The following KCTD8 variants were observed in gnomAD, a reference collection of about 807,000 sequenced individuals.
KCTD8 encodes the protein potassium channel tetramerization domain containing 8.
A neutral mutation model predicts 31.5 loss-of-function variants in KCTD8; 27 were observed. The ratio of observed to expected loss-of-function variants is 0.86; its 90% CI spans 0.63 to 1.18. The LOEUF (loss-of-function observed/expected upper bound fraction) is 1.18. KCTD8 is among the 50% of genes most tolerant of loss of function. KCTD8 has a pLI of 0.00. For missense variants in KCTD8, 658 were observed against 647.7 expected (o/e 1.02, Z -0.17); for synonymous variants, 290 against 280.0 (o/e 1.04, Z -0.36).
intron 1 of KCTD8, among the ~76,000 whole-genome samples, chr4:44,407,138 C>A (rs558900870): frequency 5.9e-5 from 9 of 152,220 alleles, no homozygotes; most frequent in African/African-American, 2.2e-4. Context: ...TATTTCAATT[C>A]AATATTATCA....
chr4:44,427,122 G>A (rs1248514570), intron 1 of KCTD8, among the ~76,000 whole-genome samples: 3 of 151,440 alleles, frequency 2.0e-5, no homozygotes, highest in African/African-American at 7.3e-5. Context: ...CAAAAGAAGT[G>A]CATTCCTAGA....
intron 1 of KCTD8, among the ~76,000 whole-genome samples, chr4:44,247,005 T>C (rs2109359609): frequency 6.6e-6 from 1 of 152,152 alleles, no homozygotes; most frequent in Admixed American, 6.6e-5. Flanking sequence ...ACTCCCATTA[T>C]TTGTAGTATT....
At chr4:44,276,996 A>C (rs557017908) in intron 1 of KCTD8, among the ~76,000 whole-genome samples, 2 of 152,002 alleles carry the variant, frequency 1.3e-5, no homozygotes, top group Non-Finnish European at 2.9e-5. Flanking sequence ...GCAAGAGATG[A>C]AGTTTCTCTA....
At chr4:44,436,527 T>C (rs1252327008) in intron 1 of KCTD8, among the ~76,000 whole-genome samples, 1 of 152,114 alleles carries the variant, frequency 6.6e-6, no homozygotes, top group Non-Finnish European at 1.5e-5. Flanking sequence ...TTATGAATGA[T>C]GTATCAGATA....
At chr4:44,407,626 T>C (rs1374159461) in intron 1 of KCTD8, among the ~76,000 whole-genome samples, 1 of 152,074 alleles carries the variant, frequency 6.6e-6, no homozygotes, top group Non-Finnish European at 1.5e-5. Flanking sequence ...CCTCAGATGA[T>C]CCACCCGCCT....
intron 1 of KCTD8, among the ~76,000 whole-genome samples, chr4:44,194,838 T>TTCCC (rs1400919478): frequency 1.7e-5 from 2 of 116,770 alleles, no homozygotes; most frequent in Admixed American, 1.8e-4. Context: ...CCTTCCTTCC[T>TTCCC]TCCCTCTTTC....
chr4:44,270,638 G>C (rs1312946235), intron 1 of KCTD8, among the ~76,000 whole-genome samples: 2 of 152,012 alleles, frequency 1.3e-5, no homozygotes, highest in Non-Finnish European at 2.9e-5. Flanking sequence ...AAAAGGCTTT[G>C]GATAATTCTG....
rs184015222 is a variant in KCTD8, at chr4:44,424,788, G to C, written c.961+22775C>G. Among the ~76,000 whole-genome samples the C allele has an allele frequency of 1.7e-3, 266 of 152,048 alleles. 2 individuals carry two copies. Among genetic ancestry groups the C allele is most frequent in the Middle Eastern group, 3.4e-3 (1 of 292 alleles). On this transcript the variant is annotated intron_variant, in intron 1 of 1. Coordinates refer to ENST00000360029, the MANE Select transcript of KCTD8 (RefSeq NM_198353.3). Reference sequence around the variant, plus strand: ...TTTAATCAATAGAAAATATCTACCAGGAACATTTGCTATAATAACATTAAT... The same window carrying C: ...TTTAATCAATAGAAAATATCTACCACGAACATTTGCTATAATAACATTAAT...
chr4:44,322,624 G>A (rs1179126595), intron 1 of KCTD8, among the ~76,000 whole-genome samples: 1 of 151,892 alleles, frequency 6.6e-6, no homozygotes, highest in African/African-American at 2.4e-5. Context: ...TGCTTTGGTT[G>A]CTTGTGCTTT....
At chr4:44,299,985 T>G (rs1717561016) in intron 1 of KCTD8, among the ~76,000 whole-genome samples, 1 of 151,844 alleles carries the variant, frequency 6.6e-6, no homozygotes. Context: ...TCTCCTGACC[T>G]CGTGACCACC....
intron 1 of KCTD8, among the ~76,000 whole-genome samples, chr4:44,277,468 CAG>C (rs1053712414): frequency 2.6e-5 from 4 of 151,668 alleles, no homozygotes; most frequent in African/African-American, 9.7e-5. Context: ...TAGTAACTAA[CAG>C]TGTTAGAAAA....
At chr4:44,261,112 G>T (rs938345948) in intron 1 of KCTD8, among the ~76,000 whole-genome samples, 1 of 151,926 alleles carries the variant, frequency 6.6e-6, no homozygotes, top group African/African-American at 2.4e-5. Context: ...TTGCATATGA[G>T]ATGTAAGAGA....
At chr4:44,430,242 G>C (rs1030441522) in intron 1 of KCTD8, among the ~76,000 whole-genome samples, 2 of 151,530 alleles carry the variant, frequency 1.3e-5, no homozygotes, top group African/African-American at 4.8e-5. Context: ...GTTGCTAAAT[G>C]GTCCCCATTA....
intron 1 of KCTD8, among the ~76,000 whole-genome samples, chr4:44,277,157 C>T (rs1426070243): frequency 6.6e-6 from 1 of 151,554 alleles, no homozygotes; most frequent in East Asian, 1.9e-4. Flanking sequence ...ACATGACAGA[C>T]CATCAACTCC....
intron 1 of KCTD8, among the ~76,000 whole-genome samples, chr4:44,433,108 A>C (rs1390965114): frequency 6.6e-6 from 1 of 151,710 alleles, no homozygotes; most frequent in Non-Finnish European, 1.5e-5. Flanking sequence ...TGAAACTTAC[A>C]CAGATACCTT....
At chr4:44,307,689 AG>A (rs1717841866) in intron 1 of KCTD8, among the ~76,000 whole-genome samples, 2 of 152,094 alleles carry the variant, frequency 1.3e-5, no homozygotes, top group East Asian at 1.9e-4. Flanking sequence ...AAACCACAAG[AG>A]AAAATACTCT....
In KCTD8 at chr4:44,242,509, C is replaced by T. The variant is rs566226925; in HGVS notation, c.962-67259G>A. Among the ~76,000 whole-genome samples the T allele has an allele frequency of 4.7e-3, 717 of 151,984 alleles. 7 individuals are homozygous for T. The highest frequency in any genetic ancestry group is 5.5e-3 in the Non-Finnish European group (376 of 67,988). ...AGGAGAATGGCGTGAACCCGGGAGG[C>T]GGAGCTTGCAGTGAGCCGAGATAGC... On this transcript the variant is annotated intron_variant, in intron 1 of 1. Transcript: ENST00000360029.
Position 44,174,540 on chromosome 4 carries a change from C to T in KCTD8, c.*250G>A. On this transcript the variant is annotated 3_prime_UTR_variant, in exon 2 of 2. Coordinates refer to ENST00000360029, the MANE Select transcript of KCTD8 (RefSeq NM_198353.3). ...TGATCATGCACATTTTACTTTCATT[C>T]TTGTAAAATGGTTTGAATCAGATAT... 1 of 364,050 alleles carries T rather than the reference C, an allele frequency of 2.7e-6. No homozygotes were observed. Among genetic ancestry groups the T allele is most frequent in the Admixed American group, 4.3e-5 (1 of 23,128 alleles). The allele number at this position is 364,050 out of a possible 1,614,324, so 22.6% of individuals were successfully genotyped here. A position where few individuals can be genotyped will look rare whatever the true frequency, so the allele number is the denominator to read the frequency against.
intron 1 of KCTD8, among the ~76,000 whole-genome samples, chr4:44,381,145 C>A (rs1720052971): frequency 6.6e-6 from 1 of 151,986 alleles, no homozygotes; most frequent in Admixed American, 6.6e-5. Context: ...ACAATTATTA[C>A]TCATGGTAGT....
Sources: gnomAD v4.1 joint callset for allele counts (sites outside exome capture counted in the v4.1 genomes callset) on GRCh38, gnomAD v4.1.1 for gene constraint, MANE v1.5 for transcripts, NCBI Gene and HGNC (gene_info 2026-07-23, HGNC 2026-07-21) for gene names.